KIF6: variants seen among roughly 807,000 people sequenced by gnomAD.
KIF6 encodes kinesin family member 6, also known as kinesin-like protein KIF6.
KIF6 carries 106 observed loss-of-function variants against 112.7 expected under a neutral mutation model. The observed-to-expected ratio is 0.94, with a 90% CI of 0.80 to 1.11. KIF6 has a LOEUF of 1.11. KIF6 is among the 50% of genes least tolerant of loss of function. The pLI is 0.00. For missense variants in KIF6, 929 were observed against 964.0 expected (o/e 0.96, Z 0.48); for synonymous variants, 339 against 339.9 (o/e 1.00, Z 0.03).
chr6:39,336,633 C>T lies in KIF6; in HGVS notation c.2429-85G>A, dbSNP rs1762922460. 3.3e-6 allele frequency: 4 copies of T among 1,196,974 alleles called. No homozygotes were observed. In the South Asian group the frequency reaches 4.9e-5, roughly 15 times the overall value. The allele number at this position is 1,196,974 out of a possible 1,614,324, so 74.1% of individuals were successfully genotyped here. Reference sequence around the variant, plus strand: ...GGATTGAATCGGGGGGAGGGGAGGCCACCAGCCACTCCCCCTGGGTCTTGG... The same window carrying T: ...GGATTGAATCGGGGGGAGGGGAGGCTACCAGCCACTCCCCCTGGGTCTTGG... On this transcript the variant is annotated intron_variant, in intron 22 of 22. Coordinates refer to ENST00000287152, the MANE Select transcript of KIF6 (RefSeq NM_145027.6).
chr6:39,550,984 CTATT>C (rs1324074974), intron 10 of KIF6, among the ~76,000 whole-genome samples: 52 of 152,320 alleles, frequency 3.4e-4, no homozygotes, highest in Admixed American at 1.6e-3. Flanking sequence ...TTTTCTTTAT[CTATT>C]CATCTGTTGA....
At chr6:39,644,247 T>C (rs2150776648) in intron 3 of KIF6, among the ~76,000 whole-genome samples, 1 of 152,214 alleles carries the variant, frequency 6.6e-6, no homozygotes, top group African/African-American at 2.4e-5. Flanking sequence ...TGTAAAATGG[T>C]ACATTTTGAG....
chr6:39,544,840 C>CT (rs1385853225), intron 11 of KIF6, 147 bp from the exon 12 acceptor site: 27 of 446,422 alleles, frequency 6.0e-5, no homozygotes, highest in Non-Finnish European at 9.4e-5. Context: ...GATGCAGTTG[C>CT]TTTTTTGGCT....
intron 6 of KIF6, among the ~76,000 whole-genome samples, chr6:39,599,426 A>G (rs897104045): frequency 3.9e-5 from 6 of 152,214 alleles, no homozygotes; most frequent in African/African-American, 1.4e-4. Flanking sequence ...TACACCAACT[A>G]GCAAAATAAA....
intron 19 of KIF6, among the ~76,000 whole-genome samples, chr6:39,347,289 C>CA (rs1354341673): frequency 6.6e-6 from 1 of 152,190 alleles, no homozygotes; most frequent in Admixed American, 6.5e-5. Flanking sequence ...TCTAGGAACA[C>CA]ACGCTGGCCT....
chr6:39,535,324 T>G (rs557790004), intron 13 of KIF6, among the ~76,000 whole-genome samples: 3,449 of 152,080 alleles, frequency 0.023, 65 homozygotes, highest in Non-Finnish European at 0.033. Flanking sequence ...ACCCATCTCA[T>G]GTGCAGAGAC....
chr6:39,667,795 A>C (rs1250415749), intron 3 of KIF6, among the ~76,000 whole-genome samples: 1 of 152,116 alleles, frequency 6.6e-6, no homozygotes, highest in African/African-American at 2.4e-5. Flanking sequence ...ATTCAGGATA[A>C]TGGTGTTCAG....
rs142479513 is a variant in KIF6, at chr6:39,555,458, C to A, written c.1182-9770G>T. Among the ~76,000 whole-genome samples the A allele has an allele frequency of 3.5e-4, 53 of 152,200 alleles. 1 individual carries two copies. The highest frequency in any genetic ancestry group is 1.0e-3 in the African/African-American group (42 of 41,538). On this transcript the variant is annotated intron_variant, in intron 10 of 22. Transcript: ENST00000287152. ...TCTTGTGTATGCTACCCTGCTGGGC[C>A]CTCAGCCCCGTGTACTTGTAGGGGG... is the stretch of plus-strand genomic sequence containing the variant.
At chr6:39,638,270 C>T (rs1489290869) in intron 4 of KIF6, among the ~76,000 whole-genome samples, 1 of 152,076 alleles carries the variant, frequency 6.6e-6, no homozygotes, top group Non-Finnish European at 1.5e-5. Flanking sequence ...ATCCATAAGA[C>T]TGAGGCATTA....
At chr6:39,582,875 C>A (rs755986089) in intron 9 of KIF6, among the ~76,000 whole-genome samples, 1 of 152,162 alleles carries the variant, frequency 6.6e-6, no homozygotes, top group Non-Finnish European at 1.5e-5. Context: ...CTCAGACAAG[C>A]TCTATACATA....
chr6:39,680,249 C>T (rs1376072788), intron 3 of KIF6, among the ~76,000 whole-genome samples: 2 of 151,844 alleles, frequency 1.3e-5, no homozygotes, highest in Non-Finnish European at 2.9e-5. Flanking sequence ...CTCAAGTGAC[C>T]CGCCCACCTC....
chr6:39,534,954 G>A (rs887938145), intron 13 of KIF6, among the ~76,000 whole-genome samples: 16 of 152,258 alleles, frequency 1.1e-4, no homozygotes, highest in African/African-American at 2.9e-4. Flanking sequence ...TTCATATCCA[G>A]CCAAACTAAG....
chr6:39,612,172 A>T, intron 6 of KIF6, among the ~76,000 whole-genome samples: 1 of 152,210 alleles, frequency 6.6e-6, no homozygotes, highest in East Asian at 1.9e-4. Context: ...TCTTGCGTCT[A>T]AGGCAGGGCA....
intron 10 of KIF6, among the ~76,000 whole-genome samples, chr6:39,555,157 C>T (rs545870582): frequency 6.6e-6 from 1 of 152,294 alleles, no homozygotes; most frequent in East Asian, 1.9e-4. Flanking sequence ...CAGCCCCCTG[C>T]ACCATGAAGC....
intron 13 of KIF6, among the ~76,000 whole-genome samples, chr6:39,453,839 A>C (rs1705515623): frequency 6.6e-6 from 1 of 152,148 alleles, no homozygotes; most frequent in Admixed American, 6.5e-5. Context: ...TAATTATTAA[A>C]ATTTTCTTCT....
chr6:39,345,409 T>G (rs571348023), intron 21 of KIF6, among the ~76,000 whole-genome samples: 1 of 152,316 alleles, frequency 6.6e-6, no homozygotes, highest in African/African-American at 2.4e-5. Flanking sequence ...GGGGCTGCCC[T>G]GGGCTGGCTC....
At chr6:39,639,134 T>C (rs1177025321) in intron 4 of KIF6, among the ~76,000 whole-genome samples, 1 of 152,124 alleles carries the variant, frequency 6.6e-6, no homozygotes, top group African/African-American at 2.4e-5. Context: ...ACATATAATC[T>C]AGATAGATAA....
At chr6:39,527,247 A>G (rs887191139) in intron 13 of KIF6, among the ~76,000 whole-genome samples, 3 of 152,212 alleles carry the variant, frequency 2.0e-5, no homozygotes, top group African/African-American at 7.2e-5. Flanking sequence ...TGCCAGAAGC[A>G]CTGAGAAAGC....
intron 5 of KIF6, among the ~76,000 whole-genome samples, chr6:39,630,274 G>A (rs1453677214): frequency 6.6e-6 from 1 of 152,018 alleles, no homozygotes; most frequent in Non-Finnish European, 1.5e-5. Context: ...TACAAATCAA[G>A]TGAGAAAGAA....
Sources: allele counts gnomAD v4.1 joint callset (sites outside exome capture counted in the v4.1 genomes callset), GRCh38; gene constraint gnomAD v4.1.1; transcripts MANE v1.5; gene names NCBI Gene and HGNC (gene_info 2026-07-23, HGNC 2026-07-21).